Variants in GTF2I observed in about 807,000 individuals in gnomAD.
The protein encoded by GTF2I is general transcription factor II-I.
In GTF2I, 12 loss-of-function variants were observed where a neutral mutation model predicts 67.6. That is an observed-to-expected ratio of 0.18 (90% CI 0.11 to 0.29). The LOEUF (loss-of-function observed/expected upper bound fraction) is 0.29. GTF2I is among the 10% of genes least tolerant of loss of function. The pLI is 1.00. For missense variants in GTF2I, 271 were observed against 580.1 expected, an observed-to-expected ratio of 0.47 and a Z score of 5.47; for synonymous variants, 149 against 197.0, an observed-to-expected ratio of 0.76 and a Z score of 2.04.
In GTF2I at chr7:74,689,150, A is replaced by G. The variant is rs1554396201; in HGVS notation, c.22A>G (p.Thr8Ala). Residue 8 changes from threonine (T) to alanine (A), a missense_variant, in exon 2 of 35, where the codon ACC (threonine) becomes GCC (alanine). Coordinates refer to ENST00000573035, the MANE Select transcript of GTF2I (RefSeq NM_032999.4). The part of the protein sequence containing the change: MAQVAMS[T>A]LPVEDEESSE... ...GATCATGGCCCAAGTTGCAATGTCCACCCTCCCCGTTGAAGATGAGGAGTC... is the reference window on the plus strand; with the variant it reads ...GATCATGGCCCAAGTTGCAATGTCCGCCCTCCCCGTTGAAGATGAGGAGTC... 6.2e-7 allele frequency: 1 copy of G among 1,611,314 alleles called. No individual in the cohort carries two copies. Among genetic ancestry groups the G allele is most frequent in the South Asian group, 1.1e-5 (1 of 91,014 alleles).
At chr7:74,747,864 T>A (rs1232294534) in intron 23 of GTF2I, 151 bp from the exon 24 acceptor site, 28 of 151,176 alleles carry the variant, frequency 1.9e-4, no homozygotes, top group South Asian at 1.1e-3. Flanking sequence ...AGAAAAATGG[T>A]TTCTGTGGAA....
chr7:74,703,427 T>C (rs1790105093), intron 6 of GTF2I, among the ~76,000 whole-genome samples: 1 of 150,744 alleles, frequency 6.6e-6, no homozygotes, highest in Non-Finnish European at 1.5e-5. Context: ...TCACCCAGGC[T>C]GGAGTGCGGT....
At chr7:74,690,950 G>A in intron 2 of GTF2I, 23 bp from the exon 3 acceptor site, 2 of 1,599,760 alleles carry the variant, frequency 1.3e-6, no homozygotes, top group Non-Finnish European at 1.7e-6. Context: ...CCTGTAACAT[G>A]ATGTTTGCTG....
intron 2 of GTF2I, 126 bp from the exon 3 acceptor site, chr7:74,690,847 C>T: frequency 2.3e-6 from 2 of 862,838 alleles, no homozygotes; most frequent in Non-Finnish European, 3.7e-6. Flanking sequence ...TGTTTAAAAT[C>T]AGGCCAAAAA....
chr7:74,677,959 A>G (rs1181116975), intron 1 of GTF2I, among the ~76,000 whole-genome samples: 2 of 152,106 alleles, frequency 1.3e-5, no homozygotes, highest in African/African-American at 4.8e-5. Context: ...CCAGTACTGC[A>G]GACTCACCGC....
At chr7:74,714,977 G>A in intron 10 of GTF2I, 61 bp downstream of exon 10, 1 of 975,516 alleles carries the variant, frequency 1.0e-6, no homozygotes, top group South Asian at 1.8e-5. Context: ...TCCTTATATT[G>A]CACAGACTGT....
At position 74,698,981 on chromosome 7, in the gene GTF2I, G is replaced by C; in HGVS notation, c.259G>C (p.Ala87Pro). 9 of 1,428,142 alleles carry C rather than the reference G, an allele frequency of 6.3e-6. No individual in the cohort carries two copies. The highest frequency in any genetic ancestry group is 8.4e-6 in the Non-Finnish European group (9 of 1,073,796). 88.5% of individuals were successfully genotyped at this position (1,428,142 alleles called of 1,614,324 possible). A position where few individuals can be genotyped will look rare whatever the true frequency, so the allele number is the denominator to read the frequency against. The change falls in exon 4 of 35, where the codon GCT becomes CCT. Residue 87 changes from alanine to proline, a missense_variant. Ala to Pro is a conservative substitution (Grantham distance 27). Coordinates refer to ENST00000573035, the MANE Select transcript of GTF2I (RefSeq NM_032999.4). ...VKYCVEEEEK[A>P]AEMHKMKSTT... ...TACAGGTGTTGAAGAAGAAGAAAAA[G>C]CTGCAGAGATGCATAAAATGAAATC... is the stretch of plus-strand genomic sequence containing the variant.
chr7:74,664,341 T>C (rs587769426), intron 1 of GTF2I, among the ~76,000 whole-genome samples: 1 of 152,324 alleles, frequency 6.6e-6, no homozygotes, highest in South Asian at 2.1e-4. Flanking sequence ...TTTACCACTT[T>C]GGCCTACTGA....
intron 1 of GTF2I, among the ~76,000 whole-genome samples, chr7:74,681,728 A>G (rs949684122): frequency 6.6e-5 from 10 of 152,306 alleles, no homozygotes; most frequent in Admixed American, 3.9e-4. Context: ...CCTGGCCAAC[A>G]TGGCAAAATC....
intron 1 of GTF2I, among the ~76,000 whole-genome samples, chr7:74,679,839 C>T (rs781895202): frequency 4.6e-5 from 7 of 151,794 alleles, no homozygotes; most frequent in South Asian, 2.1e-4. Flanking sequence ...CCAGCCCTTT[C>T]GGAGGCCGAG....
At chr7:74,693,121 G>T (rs1044620840) in intron 3 of GTF2I, among the ~76,000 whole-genome samples, 4 of 151,890 alleles carry the variant, frequency 2.6e-5, no homozygotes, top group Admixed American at 6.6e-5. Flanking sequence ...ACACATTGAA[G>T]ATTTGTGGCA....
chr7:74,686,901 T>G (rs112653386), intron 1 of GTF2I, among the ~76,000 whole-genome samples: 13 of 151,984 alleles, frequency 8.6e-5, no homozygotes, highest in African/African-American at 3.1e-4. Flanking sequence ...TTTTGTTTTT[T>G]TTTTTTGAGA....
intron 12 of GTF2I, among the ~76,000 whole-genome samples, chr7:74,722,215 G>T (rs1356998599): frequency 6.6e-6 from 1 of 152,144 alleles, no homozygotes; most frequent in Non-Finnish European, 1.5e-5. Flanking sequence ...ACCCACTGCC[G>T]GTGCGCTCTG....
chr7:74,693,027 G>A (rs1195116306), intron 3 of GTF2I, among the ~76,000 whole-genome samples: 1 of 152,010 alleles, frequency 6.6e-6, no homozygotes, highest in Admixed American at 6.6e-5. Flanking sequence ...CTCCCAAAGT[G>A]CTGGGATTAC....
In GTF2I at chr7:74,699,058, C is replaced by G. The variant is rs1162479006; in HGVS notation, c.336C>G (p.Leu112=). Residue 112 remains leucine (L), a synonymous_variant, in exon 4 of 35, where the codon CTC becomes CTG. Transcript: ENST00000573035. ...MSVDAVEIET[L]RKTVEDYFCF... ...TAGATGCTGTAGAAATTGAAACACT[C>G]AGAAAAACAGTTGAGGACTATTTCT... 29 of 1,532,882 alleles carry G rather than the reference C, an allele frequency of 1.9e-5. No homozygotes were observed. The highest frequency in any genetic ancestry group is 2.4e-5 in the Non-Finnish European group (27 of 1,136,582). The allele number at this position is 1,532,882 out of a possible 1,614,324, so 95.0% of individuals were successfully genotyped here. A position where few individuals can be genotyped will look rare whatever the true frequency, so the allele number is the denominator to read the frequency against.
intron 1 of GTF2I, among the ~76,000 whole-genome samples, chr7:74,664,851 G>A (rs1804830685): frequency 6.6e-6 from 1 of 152,298 alleles, no homozygotes; most frequent in Non-Finnish European, 1.5e-5. Context: ...CAAGTTTGAA[G>A]TCTGACTGCC....
chr7:74,703,528 C>T (rs941178253), intron 6 of GTF2I, among the ~76,000 whole-genome samples: 10 of 152,112 alleles, frequency 6.6e-5, no homozygotes, highest in East Asian at 3.9e-4. Flanking sequence ...TACAGGTGCC[C>T]GCCACCATGC....
At chr7:74,705,125 G>T (rs370160980) in intron 6 of GTF2I, 39 bp from the exon 7 acceptor site, 2 of 1,290,970 alleles carry the variant, frequency 1.5e-6, no homozygotes, top group African/African-American at 2.9e-5. Flanking sequence ...TATTTGAAAT[G>T]TTGAAAAACT....
chr7:74,716,873 T>C (rs185323258), intron 10 of GTF2I, 21 bp from the exon 11 acceptor site: 5 of 1,541,564 alleles, frequency 3.2e-6, no homozygotes, highest in Non-Finnish European at 3.6e-6. Flanking sequence ...GTTTATTATA[T>C]GTTGTTTATT....
Sources: gnomAD v4.1 joint callset for allele counts (sites outside exome capture counted in the v4.1 genomes callset) on GRCh38, gnomAD v4.1.1 for gene constraint, MANE v1.5 for transcripts, NCBI Gene and HGNC (gene_info 2026-07-23, HGNC 2026-07-21) for gene names.